The following MED13L variants were observed in gnomAD, a reference collection of about 807,000 sequenced individuals.
The protein encoded by MED13L is mediator of RNA polymerase II transcription subunit 13-like.
Under a neutral mutation model 220.9 loss-of-function variants are expected in MED13L, and 7 were observed. The observed-to-expected ratio is 0.03, with a 90% CI of 0.02 to 0.06. The LOEUF (loss-of-function observed/expected upper bound fraction) is 0.06. Among genes scored for constraint, MED13L ranks in the 10% least tolerant of loss-of-function variants. The probability of loss-of-function intolerance (pLI) is 1.00; values close to 1 mark genes in which losing one functional copy is unlikely to be tolerated. For synonymous variants in MED13L, 1,011 were observed against 1,015.2 expected (o/e 1.00, Z 0.08); for missense variants, 1,965 against 2,760.5 (o/e 0.71, Z 6.46).
chr12:116,133,552 C>A (rs1876264834), intron 2 of MED13L, among the ~76,000 whole-genome samples: 1 of 152,056 alleles, frequency 6.6e-6, no homozygotes, highest in South Asian at 2.1e-4. Context: ...GCCCCTGAGC[C>A]CACAGTTCGC....
At chr12:116,262,532 A>C (rs189693101) in intron 1 of MED13L, among the ~76,000 whole-genome samples, 35 of 152,310 alleles carry the variant, frequency 2.3e-4, no homozygotes, top group Admixed American at 1.7e-3. Flanking sequence ...AATCAAAGTT[A>C]CTTTAGAAGA....
intron 2 of MED13L, among the ~76,000 whole-genome samples, chr12:116,156,945 G>A (rs1180943110): frequency 6.6e-6 from 1 of 152,114 alleles, no homozygotes; most frequent in Non-Finnish European, 1.5e-5. Flanking sequence ...CCAGATTCTT[G>A]ACACCATGAT....
intron 2 of MED13L, among the ~76,000 whole-genome samples, chr12:116,231,334 C>G (rs2095919003): frequency 6.6e-6 from 1 of 152,202 alleles, no homozygotes; most frequent in East Asian, 1.9e-4. Context: ...TGACCTGTTT[C>G]TGATGTGATG....
chr12:116,097,469 CT>C (rs2137820887), intron 3 of MED13L, among the ~76,000 whole-genome samples: 1 of 152,108 alleles, frequency 6.6e-6, no homozygotes, highest in South Asian at 2.1e-4. Context: ...TTAATGCTGG[CT>C]TTTTAAATTT....
chr12:116,078,762 C>T (rs954679538), intron 4 of MED13L, among the ~76,000 whole-genome samples: 3 of 152,012 alleles, frequency 2.0e-5, no homozygotes, highest in Non-Finnish European at 4.4e-5. Flanking sequence ...GTTCACCTGC[C>T]CCTCCTAAAA....
At chr12:116,188,904 TC>T (rs2138256364) in intron 2 of MED13L, among the ~76,000 whole-genome samples, 1 of 152,338 alleles carries the variant, frequency 6.6e-6, no homozygotes, top group East Asian at 1.9e-4. Context: ...AAGACTTTGT[TC>T]CTTTTGTTAC....
At chr12:116,191,996 C>T (rs1881319337) in intron 2 of MED13L, among the ~76,000 whole-genome samples, 1 of 152,058 alleles carries the variant, frequency 6.6e-6, no homozygotes, top group Non-Finnish European at 1.5e-5. Flanking sequence ...ATCTTAATGA[C>T]AATAGAATGT....
intron 2 of MED13L, among the ~76,000 whole-genome samples, chr12:116,171,487 C>CT (rs1879677944): frequency 6.6e-6 from 1 of 152,180 alleles, no homozygotes; most frequent in African/African-American, 2.4e-5. Flanking sequence ...AAATCCAACA[C>CT]TTTTTTTCCT....
intron 1 of MED13L, among the ~76,000 whole-genome samples, chr12:116,257,238 G>A (rs1872135813): frequency 1.3e-5 from 2 of 152,200 alleles, no homozygotes; most frequent in East Asian, 1.9e-4. Context: ...ACTATAAACA[G>A]AAACGTATAT....
At chr12:116,196,504 G>A (rs922401716) in intron 2 of MED13L, among the ~76,000 whole-genome samples, 3 of 152,082 alleles carry the variant, frequency 2.0e-5, no homozygotes, top group Non-Finnish European at 4.4e-5. Flanking sequence ...TTTCCAAAAC[G>A]GTGGCAATAA....
At chr12:116,090,204 A>G (rs922868748) in intron 4 of MED13L, among the ~76,000 whole-genome samples, 3 of 152,006 alleles carry the variant, frequency 2.0e-5, no homozygotes, top group African/African-American at 7.2e-5. Context: ...CCAACAGGGA[A>G]AGTGGCTTTT....
intron 4 of MED13L, among the ~76,000 whole-genome samples, chr12:116,078,091 G>A (rs975774895): frequency 4.9e-5 from 7 of 143,948 alleles, no homozygotes; most frequent in Non-Finnish European, 9.0e-5. Context: ...TTGCTGAGCT[G>A]AGATCACACC....
chr12:116,009,441 C>T (rs768005600), intron 9 of MED13L, among the ~76,000 whole-genome samples: 8 of 152,110 alleles, frequency 5.3e-5, no homozygotes, highest in Non-Finnish European at 8.8e-5. Flanking sequence ...ATAACCTATT[C>T]ATACTGCATC....
rs558913539 is a variant in MED13L at position 116,006,729 on chromosome 12, G to A, written c.2239-318C>T. The stretch of plus-strand genomic sequence containing the variant: ...AGCTGCCTTTAACAACATTTTAGAT[G>A]CTAAATTATAGATTTGGCTTTCTGG... On this transcript the variant is annotated intron_variant, in intron 11 of 30. Transcript: ENST00000281928. 7.5e-6 allele frequency: 3 copies of A among 400,314 alleles called. No homozygotes were observed. In the South Asian group the frequency reaches 7.6e-5, roughly 10 times the overall value. The allele number at this position is 400,314 out of a possible 1,614,324, so 24.8% of individuals were successfully genotyped here.
At chr12:115,984,141 C>T in intron 20 of MED13L, 39 bp downstream of exon 20, 1 of 1,600,128 alleles carries the variant, frequency 6.2e-7, no homozygotes. Context: ...TGCTATTTTA[C>T]TTCTCCAATT....
intron 4 of MED13L, among the ~76,000 whole-genome samples, chr12:116,036,198 T>C (rs1314270018): frequency 1.3e-5 from 2 of 152,216 alleles, no homozygotes; most frequent in African/African-American, 4.8e-5. Flanking sequence ...TAAATTACTT[T>C]TCTTTAGAAA....
intron 2 of MED13L, among the ~76,000 whole-genome samples, chr12:116,217,633 C>G (rs1194054806): frequency 6.6e-6 from 1 of 152,122 alleles, no homozygotes; most frequent in Non-Finnish European, 1.5e-5. Flanking sequence ...GAAGTACTTC[C>G]CCCATCACAG....
At chr12:116,122,146 C>T (rs562385778) in intron 2 of MED13L, among the ~76,000 whole-genome samples, 57 of 152,148 alleles carry the variant, frequency 3.7e-4, no homozygotes, top group South Asian at 1.2e-3. Context: ...CCAAAAACTA[C>T]ACTAATCAGA....
intron 4 of MED13L, among the ~76,000 whole-genome samples, chr12:116,071,304 A>G (rs1870352726): frequency 6.6e-6 from 1 of 152,260 alleles, no homozygotes; most frequent in Non-Finnish European, 1.5e-5. Flanking sequence ...ATGAACTGAA[A>G]TAATCACTGT....
Sources: allele counts gnomAD v4.1 joint callset (sites outside exome capture counted in the v4.1 genomes callset), GRCh38; gene constraint gnomAD v4.1.1; transcripts MANE v1.5; gene names NCBI Gene and HGNC (gene_info 2026-07-23, HGNC 2026-07-21).